The following SPICE1 variants were observed in gnomAD, a reference collection of about 807,000 sequenced individuals.
SPICE1 encodes spindle and centriole associated protein 1, also known as spindle and centriole-associated protein 1.
A neutral mutation model predicts 102.7 loss-of-function variants in SPICE1; 75 were observed. The ratio of observed to expected loss-of-function variants is 0.73; its 90% confidence interval spans 0.61 to 0.88. The LOEUF (loss-of-function observed/expected upper bound fraction) is 0.88, where lower values mean the gene tolerates loss of function less well. Ranked by LOEUF, SPICE1 falls within the 40% of genes least tolerant of loss-of-function variation. The pLI is 0.00. For missense variants in SPICE1, 979 were observed against 1,020.1 expected, an observed-to-expected ratio of 0.96 and a Z score of 0.55; for synonymous variants, 308 against 350.3, an observed-to-expected ratio of 0.88 and a Z score of 1.35.
intron 7 of SPICE1, among the ~76,000 whole-genome samples, chr3:113,473,930 T>A (rs1176643142): frequency 4.6e-5 from 7 of 151,510 alleles, no homozygotes; most frequent in African/African-American, 7.3e-5. Context: ...AAATTCACAC[T>A]TAACAATATT....
chr3:113,485,275 G>A (rs914038788), intron 7 of SPICE1, among the ~76,000 whole-genome samples: 3 of 151,890 alleles, frequency 2.0e-5, no homozygotes, highest in Non-Finnish European at 4.4e-5. Flanking sequence ...GCAGCCAAGT[G>A]GTCTGGCTCA....
chr3:113,470,928 G>A (rs1936179644), intron 7 of SPICE1, among the ~76,000 whole-genome samples: 1 of 152,206 alleles, frequency 6.6e-6, no homozygotes, highest in African/African-American at 2.4e-5. Flanking sequence ...TTTGAAAGCA[G>A]ACAACTTGTC....
At chr3:113,467,944 C>A (rs1183715644) in intron 10 of SPICE1, among the ~76,000 whole-genome samples, 195 bp downstream of exon 10, 1 of 152,140 alleles carries the variant, frequency 6.6e-6, no homozygotes, top group Non-Finnish European at 1.5e-5. Flanking sequence ...AATCACTTAT[C>A]TGAGCATGTA....
At position 113,477,409 on chromosome 3, in the gene SPICE1, C is replaced by T. The variant is rs544898137; in HGVS notation, c.612-8171G>A. Among the ~76,000 whole-genome samples the T allele has an allele frequency of 8.1e-3, 1,231 of 151,740 alleles. 21 individuals are homozygous for T. Among genetic ancestry groups the T allele is most frequent in the African/African-American group, 0.028 (1,173 of 41,272 alleles). ...CTCAGGGATCTAGAACTAGAAATAC[C>T]ATTTGACCCAGCCATCCCATTGCTG... On this transcript the variant is annotated intron_variant, in intron 7 of 17. Transcript: ENST00000295872.
At chr3:113,474,554 CA>C (rs1460895861) in intron 7 of SPICE1, among the ~76,000 whole-genome samples, 2 of 152,134 alleles carry the variant, frequency 1.3e-5, no homozygotes, top group Non-Finnish European at 2.9e-5. Context: ...CTCTTCTCAG[CA>C]AATGTAAAAG....
chr3:113,478,654 A>C (rs1253388403), intron 7 of SPICE1, among the ~76,000 whole-genome samples: 1 of 152,220 alleles, frequency 6.6e-6, no homozygotes, highest in Non-Finnish European at 1.5e-5. Flanking sequence ...ACATACTAGT[A>C]GTAGGAGACT....
chr3:113,453,395 T>C, intron 14 of SPICE1, 71 bp downstream of exon 14: 1 of 1,515,496 alleles, frequency 6.6e-7, no homozygotes. Context: ...AAGAAGTTTC[T>C]TAAGTTGCCC....
intron 7 of SPICE1, among the ~76,000 whole-genome samples, chr3:113,481,064 T>C (rs576713378): frequency 1.8e-4 from 28 of 152,142 alleles, no homozygotes; most frequent in African/African-American, 5.8e-4. Flanking sequence ...TAATAAAATA[T>C]ACAAAAGAAA....
rs144037494 is a variant in SPICE1, at chr3:113,448,058, G to A, written c.2406C>T (p.Val802=). The part of the protein sequence containing the change: ...ESSKCSTVSP[V]SGINTRRSSG... ...CTTACCTTCTTGTATTTATCCCGCTGACGGGAGAGACAGTACTACATTTTG... is the reference window on the plus strand; with the variant it reads ...CTTACCTTCTTGTATTTATCCCGCTAACGGGAGAGACAGTACTACATTTTG... Residue 802 remains valine, a synonymous_variant, in exon 16 of 18, where the codon GTC becomes GTT. Coordinates refer to ENST00000295872, the MANE Select transcript of SPICE1 (RefSeq NM_144718.4). 4.2e-5 allele frequency: 67 copies of A among 1,607,312 alleles called. 1 individual carries two copies. In the African/African-American group the frequency reaches 7.6e-4, roughly 18 times the overall value.
chr3:113,503,231 T>C lies in SPICE1; in HGVS notation c.100-4A>G. 6.4e-7 allele frequency: 1 copy of C among 1,564,856 alleles called. No individual in the cohort carries two copies. The highest frequency in any genetic ancestry group is 8.6e-7 in the Non-Finnish European group (1 of 1,162,818). On this transcript the variant is annotated splice_polypyrimidine_tract_variant and splice_region_variant and intron_variant, in intron 2 of 17. Coordinates refer to ENST00000295872, the MANE Select transcript of SPICE1 (RefSeq NM_144718.4). The stretch of plus-strand genomic sequence containing the variant: ...CGGTTAGATCAGTCACGGTATTCTG[T>C]AAAAAAAGGTGGCCTTTCTTTAAAA...
At chr3:113,473,542 T>A (rs1936260162) in intron 7 of SPICE1, among the ~76,000 whole-genome samples, 1 of 151,716 alleles carries the variant, frequency 6.6e-6, no homozygotes, top group East Asian at 1.9e-4. Context: ...GAGAGAAAGG[T>A]CGGGTTACTG....
intron 7 of SPICE1, among the ~76,000 whole-genome samples, chr3:113,472,782 C>CTCTT (rs1486290070): frequency 6.6e-6 from 1 of 152,168 alleles, no homozygotes; most frequent in African/African-American, 2.4e-5. Flanking sequence ...AAAAACCCAT[C>CTCTT]TCTACATCAC....
At position 113,457,215 on chromosome 3, in the gene SPICE1, T is replaced by C; in HGVS notation, c.1578A>G (p.Pro526=). The C allele has an allele frequency of 6.2e-7, 1 of 1,614,168 alleles. No homozygotes were observed. Among genetic ancestry groups the C allele is most frequent in the Non-Finnish European group, 8.5e-7 (1 of 1,180,020 alleles). Residue 526 remains proline (P), a synonymous_variant, in exon 13 of 18, where the codon CCA becomes CCG. Coordinates refer to ENST00000295872, the MANE Select transcript of SPICE1 (RefSeq NM_144718.4). ...PDNMNLAKNF[P]AHIFEPAVLL... ...ACACAGCTGGCTCAAAAATATGTGC[T>C]GGAAAATTCTTGGCCAGATTCATGT...
rs189319009 is a variant in SPICE1 at position 113,497,349 on chromosome 3, T to G, written c.291+2090A>C. ...CAAAACATATAGGAGGGTATTTTTT[T>G]ATTTCCAGAAGCTTAAACTATACTC... On this transcript the variant is annotated intron_variant, in intron 4 of 17. Coordinates refer to ENST00000295872, the MANE Select transcript of SPICE1 (RefSeq NM_144718.4). Among the ~76,000 whole-genome samples the G allele has an allele frequency of 3.6e-3, 551 of 152,360 alleles. 4 individuals are homozygous for G. The highest frequency in any genetic ancestry group is 0.024 in the Middle Eastern group (7 of 294).
intron 7 of SPICE1, 28 bp downstream of exon 7, chr3:113,488,917 T>C: frequency 7.2e-7 from 1 of 1,394,782 alleles, no homozygotes; most frequent in Non-Finnish European, 1.0e-6. Flanking sequence ...ACCTGAGAGT[T>C]GTAAATATTT....
intron 1 of SPICE1, among the ~76,000 whole-genome samples, chr3:113,513,157 A>G (rs1937252417): frequency 6.6e-6 from 1 of 152,170 alleles, no homozygotes; most frequent in African/African-American, 2.4e-5. Context: ...CTGTAATCCC[A>G]GCAACTCGGG....
At chr3:113,499,981 A>G (rs1441584644) in intron 3 of SPICE1, among the ~76,000 whole-genome samples, 2 of 152,116 alleles carry the variant, frequency 1.3e-5, no homozygotes, top group African/African-American at 4.8e-5. Flanking sequence ...ACTGAGCACA[A>G]TGTAAAAGGT....
At chr3:113,491,110 T>G (rs1936753945) in intron 6 of SPICE1, among the ~76,000 whole-genome samples, 1 of 152,210 alleles carries the variant, frequency 6.6e-6, no homozygotes, top group Non-Finnish European at 1.5e-5. Flanking sequence ...AGGTCCTACT[T>G]GTCTCTCTAA....
At chr3:113,479,942 A>T (rs948517110) in intron 7 of SPICE1, among the ~76,000 whole-genome samples, 2 of 152,206 alleles carry the variant, frequency 1.3e-5, no homozygotes, top group Non-Finnish European at 2.9e-5. Flanking sequence ...TCTAACTAAT[A>T]AATTAAAAAT....
Sources: gnomAD v4.1 joint callset for allele counts (sites outside exome capture counted in the v4.1 genomes callset) on GRCh38, gnomAD v4.1.1 for gene constraint, MANE v1.5 for transcripts, NCBI Gene and HGNC (gene_info 2026-07-23, HGNC 2026-07-21) for gene names.